C8B: variants seen among roughly 807,000 people sequenced by gnomAD.
C8B encodes the protein complement C8 beta chain, also known as complement component C8 beta chain.
A neutral mutation model predicts 64.6 loss-of-function variants in C8B; 67 were observed. That is an observed-to-expected ratio of 1.04 (90% CI 0.85 to 1.27). C8B has a LOEUF of 1.27. Ranked by LOEUF, C8B falls within the 50% of genes most tolerant of loss-of-function variation. The probability of loss-of-function intolerance (pLI) is 0.00; values close to 1 mark genes in which losing one functional copy is unlikely to be tolerated. For synonymous variants in C8B, 284 were observed against 257.7 expected, an observed-to-expected ratio of 1.10 and a Z score of -0.98; for missense variants, 790 against 725.2, an observed-to-expected ratio of 1.09 and a Z score of -1.03.
At chr1:56,952,712 C>T (rs1051108211) in intron 4 of C8B, among the ~76,000 whole-genome samples, 2 of 152,100 alleles carry the variant, frequency 1.3e-5, no homozygotes, top group Admixed American at 1.3e-4. Context: ...TCTGTTCTGC[C>T]CCTTACTGCC....
chr1:56,931,856 A>T lies in C8B; in HGVS notation c.1575T>A (p.Cys525Ter). The stretch of plus-strand genomic sequence containing the variant: ...AGGCTAGGCCTTGGGATCCAACAGG[A>T]CAGATGCAGTCACAGCGTGATCCTG... ...VLKGSRCDCI[C>*]PVGSQGLACE... Residue 525 changes from cysteine to a stop codon, truncating the protein, a stop_gained, in exon 11 of 12, where the codon TGT becomes TGA. Transcript: ENST00000371237. LOFTEE classifies it low-confidence loss of function (END_TRUNC). 1.2e-6 allele frequency: 2 copies of T among 1,612,532 alleles called. No homozygotes were observed. The highest frequency in any genetic ancestry group is 1.7e-6 in the Non-Finnish European group (2 of 1,179,208).
chr1:56,948,964 G>C (rs1046300875), intron 6 of C8B, among the ~76,000 whole-genome samples: 1 of 151,828 alleles, frequency 6.6e-6, no homozygotes, highest in Admixed American at 6.6e-5. Flanking sequence ...AAAATAATTA[G>C]AGAAGGTTAT....
chr1:56,960,800 G>T (rs778740970), intron 1 of C8B, among the ~76,000 whole-genome samples: 21 of 152,038 alleles, frequency 1.4e-4, no homozygotes, highest in Non-Finnish European at 2.4e-4. Context: ...ATTTGAGTGT[G>T]TGGGCGGTGG....
Position 56,929,222 on chromosome 1 carries a change from C to T in C8B, c.*182G>A, listed in dbSNP as rs1273832364. 6.1e-6 allele frequency: 4 copies of T among 659,576 alleles called. No individual in the cohort carries two copies. Among genetic ancestry groups the T allele is most frequent in the Admixed American group, 2.3e-5 (1 of 43,252 alleles). The allele number at this position is 659,576 out of a possible 1,614,324, so 40.9% of individuals were successfully genotyped here. A position where few individuals can be genotyped will look rare whatever the true frequency, so the allele number is the denominator to read the frequency against. On this transcript the variant is annotated 3_prime_UTR_variant, in exon 12 of 12. Coordinates refer to ENST00000371237, the MANE Select transcript of C8B (RefSeq NM_000066.4). Reference sequence around the variant, plus strand: ...ATTACAAAGATGCTTAAGCCTTTAACTCAGTATTTATTTAAATCAACTTGC... The same window carrying T: ...ATTACAAAGATGCTTAAGCCTTTAATTCAGTATTTATTTAAATCAACTTGC...
At chr1:56,931,991 A>G in intron 10 of C8B, 113 bp from the exon 11 acceptor site, 2 of 766,578 alleles carry the variant, frequency 2.6e-6, no homozygotes, top group Non-Finnish European at 4.5e-6. Flanking sequence ...GCACATATTT[A>G]GTTAAATGGC....
chr1:56,962,051 T>A (rs1645187108), intron 1 of C8B, among the ~76,000 whole-genome samples: 1 of 152,138 alleles, frequency 6.6e-6, no homozygotes, highest in Non-Finnish European at 1.5e-5. Context: ...ACTACAAAAC[T>A]GTTACATTAT....
chr1:56,952,232 A>C (rs780175316), intron 4 of C8B, 52 bp from the exon 5 acceptor site: 2 of 1,610,944 alleles, frequency 1.2e-6, no homozygotes, highest in East Asian at 4.5e-5. Context: ...CGGTTGCTTA[A>C]TCTTGACTGT....
At chr1:56,956,512 C>A (rs1645105418) in intron 3 of C8B, among the ~76,000 whole-genome samples, 1 of 152,148 alleles carries the variant, frequency 6.6e-6, no homozygotes, top group Admixed American at 6.5e-5. Context: ...TTTCCACTTA[C>A]CTGCTATATG....
chr1:56,935,606 T>C (rs559359755), intron 9 of C8B, among the ~76,000 whole-genome samples: 1 of 152,364 alleles, frequency 6.6e-6, no homozygotes, highest in African/African-American at 2.4e-5. Context: ...TTTCCATAGC[T>C]AGCATTTATT....
At chr1:56,931,133 C>T (rs575515247) in intron 11 of C8B, among the ~76,000 whole-genome samples, 3 of 152,206 alleles carry the variant, frequency 2.0e-5, no homozygotes, top group South Asian at 2.1e-4. Flanking sequence ...ACCAAAAAGT[C>T]GCTGAAAGGA....
chr1:56,956,070 A>T (rs1645098522), intron 3 of C8B, among the ~76,000 whole-genome samples: 1 of 152,096 alleles, frequency 6.6e-6, no homozygotes, highest in African/African-American at 2.4e-5. Context: ...CTTTTAATAA[A>T]CAATAATTTT....
In C8B at chr1:56,943,839, GA is replaced by G; in HGVS notation, c.1106-16del. 2.5e-6 allele frequency: 4 copies of G among 1,613,562 alleles called. No homozygotes were observed. The highest frequency in any genetic ancestry group is 1.7e-5 in the Admixed American group (1 of 60,016). On this transcript the variant is annotated splice_polypyrimidine_tract_variant and intron_variant, in intron 7 of 11. Coordinates refer to ENST00000371237, the MANE Select transcript of C8B (RefSeq NM_000066.4). ...AAGAGTATAATCTGAAGAAAACAAGGAAAAAGGTCCATGACGTAAAAGGTAG... is the reference window on the plus strand; with the variant it reads ...AAGAGTATAATCTGAAGAAAACAAGGAAAAGGTCCATGACGTAAAAGGTAG...
chr1:56,942,743 G>A (rs1323658398), intron 8 of C8B, among the ~76,000 whole-genome samples: 3 of 151,780 alleles, frequency 2.0e-5, no homozygotes, highest in African/African-American at 7.3e-5. Flanking sequence ...CCTCAAGTCT[G>A]AGCCTGCAAC....
chr1:56,957,744 T>G (rs1361894043), intron 2 of C8B, among the ~76,000 whole-genome samples: 1 of 152,208 alleles, frequency 6.6e-6, no homozygotes, highest in Non-Finnish European at 1.5e-5. Context: ...CCTAGCCTGT[T>G]CTCAAGGAGG....
intron 4 of C8B, among the ~76,000 whole-genome samples, chr1:56,953,336 C>T (rs1225284006): frequency 6.6e-6 from 1 of 152,178 alleles, no homozygotes; most frequent in Non-Finnish European, 1.5e-5. Flanking sequence ...ATAATGTATA[C>T]ATATTTATTT....
chr1:56,950,434 G>C (rs1462674984), intron 5 of C8B, among the ~76,000 whole-genome samples: 2 of 152,196 alleles, frequency 1.3e-5, no homozygotes, highest in African/African-American at 2.4e-5. Context: ...AGAGCCATTT[G>C]CTCTAAAACC....
At chr1:56,938,838 G>A (rs539101740) in intron 9 of C8B, among the ~76,000 whole-genome samples, 6 of 152,240 alleles carry the variant, frequency 3.9e-5, no homozygotes, top group East Asian at 1.9e-4. Context: ...TTGGCTTTGC[G>A]GAGAAGAATT....
At chr1:56,951,846 T>C (rs1269141340) in intron 5 of C8B, among the ~76,000 whole-genome samples, 1 of 152,252 alleles carries the variant, frequency 6.6e-6, no homozygotes, top group Non-Finnish European at 1.5e-5. Flanking sequence ...CTATTATTAC[T>C]GCTCTACAAC....
intron 1 of C8B, chr1:56,964,026 T>C: frequency 2.0e-6 from 2 of 985,190 alleles, no homozygotes; most frequent in Non-Finnish European, 2.4e-6. Flanking sequence ...ATGGGGATTA[T>C]AGGTGGATGT....
Sources: gnomAD v4.1 joint callset for allele counts (sites outside exome capture counted in the v4.1 genomes callset) on GRCh38, gnomAD v4.1.1 for gene constraint, MANE v1.5 for transcripts, NCBI Gene and HGNC (gene_info 2026-07-23, HGNC 2026-07-21) for gene names.